ATP11A: variants seen among roughly 807,000 people sequenced by gnomAD.
ATP11A encodes the protein phospholipid-transporting ATPase IH.
A neutral mutation model predicts 154.4 loss-of-function variants in ATP11A; 81 were observed. That is an observed-to-expected ratio of 0.52 (90% CI 0.44 to 0.63). The LOEUF is 0.63. ATP11A is among the 30% of genes least tolerant of loss of function. ATP11A has a pLI of 0.00. For synonymous variants in ATP11A, 623 were observed against 585.9 expected (o/e 1.06, Z -0.91); for missense variants, 1,316 against 1,474.3 (o/e 0.89, Z 1.76).
In ATP11A at chr13:112,881,764, G is replaced by A. The variant is rs1440620624; in HGVS notation, c.*10-112G>A. 3 of 1,347,676 alleles carry A rather than the reference G, an allele frequency of 2.2e-6. No individual in the cohort carries two copies. In the African/African-American group the frequency reaches 4.4e-5, roughly 20 times the overall value. 83.5% of individuals were successfully genotyped at this position (1,347,676 alleles called of 1,614,324 possible). A position where few individuals can be genotyped will look rare whatever the true frequency, so the allele number is the denominator to read the frequency against. On this transcript the variant is annotated intron_variant, in intron 29 of 29. Transcript: ENST00000375645. ...CCCAGAGTGGCTCAGGTCACCCCAG[G>A]CAGCCCCGTGGGTATCCCTGAGACT...
At chr13:112,836,080 C>T (rs1260874051) in intron 15 of ATP11A, 98 bp from the exon 16 acceptor site, 2 of 847,070 alleles carry the variant, frequency 2.4e-6, no homozygotes, top group Admixed American at 4.4e-5. Flanking sequence ...AGGGCCAGGG[C>T]TGCCCCAGCC....
intron 1 of ATP11A, among the ~76,000 whole-genome samples, chr13:112,706,925 CTGAGT>C (rs1566357782): frequency 6.6e-6 from 1 of 152,180 alleles, no homozygotes; most frequent in Non-Finnish European, 1.5e-5. Context: ...TTTTTTGCGA[CTGAGT>C]TATTACTTGC....
At chr13:112,836,585 C>T (rs1165002198) in intron 16 of ATP11A, among the ~76,000 whole-genome samples, 12 of 152,172 alleles carry the variant, frequency 7.9e-5, no homozygotes. Flanking sequence ...ACCCGCTTTT[C>T]TCCATGCAGA....
chr13:112,818,139 ACACGGCGGTGACCGTG>A, intron 6 of ATP11A, among the ~76,000 whole-genome samples: 1 of 150,184 alleles, frequency 6.7e-6, no homozygotes, highest in African/African-American at 2.5e-5. Flanking sequence ...GCGCTTGGTG[ACACGGCGGTGACCGTG>A]TGTGCGCTTG....
intron 1 of ATP11A, among the ~76,000 whole-genome samples, chr13:112,720,060 A>G (rs758396217): frequency 1.4e-4 from 21 of 152,230 alleles, no homozygotes; most frequent in Non-Finnish European, 2.9e-4. Flanking sequence ...ATTAATGACC[A>G]TTCTGTTAAT....
intron 1 of ATP11A, among the ~76,000 whole-genome samples, chr13:112,759,113 C>G (rs981616158): frequency 6.6e-6 from 1 of 152,222 alleles, no homozygotes; most frequent in African/African-American, 2.4e-5. Context: ...ATTCCCCTGT[C>G]CCCTCTTATC....
chr13:112,709,045 A>C (rs1034652898), intron 1 of ATP11A, among the ~76,000 whole-genome samples: 3 of 152,088 alleles, frequency 2.0e-5, no homozygotes. Context: ...TGCCGGAAGC[A>C]GGTCTGGGAG....
intron 1 of ATP11A, among the ~76,000 whole-genome samples, chr13:112,758,599 A>G (rs141492399): frequency 0.045 from 6,725 of 150,924 alleles, 504 homozygotes; most frequent in African/African-American, 0.16. Context: ...AATTTTTTGT[A>G]TTTTTAGTAG....
chr13:112,788,917 C>G (rs1364772661), intron 2 of ATP11A, among the ~76,000 whole-genome samples: 1 of 151,872 alleles, frequency 6.6e-6, no homozygotes, highest in East Asian at 1.9e-4. Context: ...CACCAGGAGT[C>G]CTGATATGTA....
intron 1 of ATP11A, among the ~76,000 whole-genome samples, chr13:112,716,662 G>A (rs1748928449): frequency 1.3e-5 from 2 of 152,196 alleles, no homozygotes; most frequent in Non-Finnish European, 2.9e-5. Context: ...CATGTCTTGG[G>A]CACGTCGATG....
intron 1 of ATP11A, among the ~76,000 whole-genome samples, chr13:112,722,143 A>T (rs1889274031): frequency 6.6e-6 from 1 of 152,150 alleles, no homozygotes; most frequent in Non-Finnish European, 1.5e-5. Flanking sequence ...AGTCCTCAGG[A>T]GGTCCTAAGA....
intron 1 of ATP11A, among the ~76,000 whole-genome samples, chr13:112,693,083 A>G (rs1279082657): frequency 6.6e-6 from 1 of 152,244 alleles, no homozygotes; most frequent in Non-Finnish European, 1.5e-5. Context: ...ACATTGCTGT[A>G]GGCATTTTAT....
intron 1 of ATP11A, among the ~76,000 whole-genome samples, chr13:112,738,236 G>A (rs1032219110): frequency 6.6e-6 from 1 of 152,078 alleles, no homozygotes; most frequent in Non-Finnish European, 1.5e-5. Context: ...AGCCAGGTGT[G>A]TTGGTGGGTG....
At position 112,862,049 on chromosome 13, in the gene ATP11A, G is replaced by GCAGGCGTAAGGCATCACGT. The variant is rs1350886910; in HGVS notation, c.2856-378_2856-360dup. Among the ~76,000 whole-genome samples the GCAGGCGTAAGGCATCACGT allele has an allele frequency of 1.0e-4, 15 of 146,174 alleles. No individual in the cohort carries two copies. The South Asian group carries it at 3.1e-3, about 30-fold the overall frequency. ...GTCACGTCAGGCGTAAGGTGTCACAGCAGGCGTAAGGCATCACGTCAGGCG... is the reference window on the plus strand; with the variant it reads ...GTCACGTCAGGCGTAAGGTGTCACAGCAGGCGTAAGGCATCACGTCAGGCGTAAGGCATCACGTCAGGCG... On this transcript the variant is annotated intron_variant, in intron 24 of 29. Transcript: ENST00000375645.
intron 6 of ATP11A, among the ~76,000 whole-genome samples, chr13:112,818,688 G>C (rs1323960777): frequency 6.6e-6 from 1 of 152,192 alleles, no homozygotes; most frequent in Non-Finnish European, 1.5e-5. Flanking sequence ...AGCAGCATCG[G>C]CATCACTGGG....
intron 12 of ATP11A, among the ~76,000 whole-genome samples, chr13:112,828,419 T>G (rs1192263359): frequency 3.0e-5 from 3 of 99,404 alleles, no homozygotes; most frequent in Admixed American, 2.2e-4. Context: ...CGCCCAGCGG[T>G]GTTGAGTGGG....
chr13:112,739,252 C>G (rs12876520), intron 1 of ATP11A, among the ~76,000 whole-genome samples: 27,353 of 152,108 alleles, frequency 0.18, 2,659 homozygotes, highest in African/African-American at 0.25. Flanking sequence ...CCAGAAGACA[C>G]AAAGAACTCT....
chr13:112,736,981 T>C (rs1891060750), intron 1 of ATP11A, among the ~76,000 whole-genome samples: 3 of 152,002 alleles, frequency 2.0e-5, no homozygotes, highest in African/African-American at 7.3e-5. Context: ...CAAAACCATT[T>C]CAGAAAACTG....
chr13:112,792,990 T>C (rs1388414877), intron 2 of ATP11A, among the ~76,000 whole-genome samples: 1 of 152,206 alleles, frequency 6.6e-6, no homozygotes, highest in East Asian at 1.9e-4. Flanking sequence ...ATAGCCAGTG[T>C]TTTCATGACT....
Sources: gnomAD v4.1 joint callset for allele counts (sites outside exome capture counted in the v4.1 genomes callset) on GRCh38, gnomAD v4.1.1 for gene constraint, MANE v1.5 for transcripts, NCBI Gene and HGNC (gene_info 2026-07-23, HGNC 2026-07-21) for gene names.